Variants in CKAP5 observed in about 807,000 individuals in gnomAD.
CKAP5 encodes cytoskeleton-associated protein 5.
Under a neutral mutation model 232.8 loss-of-function variants are expected in CKAP5, and 27 were observed. The observed-to-expected ratio is 0.12, with a 90% CI of 0.09 to 0.16. The LOEUF is 0.16. CKAP5 is among the 10% of genes least tolerant of loss of function. CKAP5 has a pLI of 1.00. For missense variants in CKAP5, 1,838 were observed against 2,424.7 expected (o/e 0.76, Z 5.08); for synonymous variants, 785 against 841.1 (o/e 0.93, Z 1.16).
intron 9 of CKAP5, among the ~76,000 whole-genome samples, chr11:46,800,539 T>C (rs1402164490): frequency 6.6e-6 from 1 of 152,150 alleles, no homozygotes; most frequent in Non-Finnish European, 1.5e-5. Context: ...GCAGACCGGA[T>C]TTAGAGGCCA....
Position 46,802,850 on chromosome 11 carries a change from G to A in CKAP5, c.979-1546C>T, listed in dbSNP as rs142589679. Reference sequence around the variant, plus strand: ...TTAAGTGCTGAGGAATAAGGATAAAGAAACTAACATTTATTGAAAAAACAA... The same window carrying A: ...TTAAGTGCTGAGGAATAAGGATAAAAAAACTAACATTTATTGAAAAAACAA... On this transcript the variant is annotated intron_variant, in intron 8 of 43. Coordinates refer to ENST00000529230, the MANE Select transcript of CKAP5 (RefSeq NM_001008938.4). Among the ~76,000 whole-genome samples the A allele has an allele frequency of 2.8e-3, 421 of 152,272 alleles. 2 individuals are homozygous for A. Among genetic ancestry groups the A allele is most frequent in the African/African-American group, 9.6e-3 (399 of 41,546 alleles).
intron 17 of CKAP5, 48 bp downstream of exon 17, chr11:46,784,440 G>T: frequency 2.1e-6 from 3 of 1,457,426 alleles, no homozygotes; most frequent in East Asian, 2.3e-5. Flanking sequence ...TAAAGTTTGG[G>T]GGAAAAAATT....
intron 1 of CKAP5, among the ~76,000 whole-genome samples, chr11:46,823,244 A>G (rs1219037770): frequency 6.6e-6 from 1 of 152,144 alleles, no homozygotes; most frequent in African/African-American, 2.4e-5. Flanking sequence ...ACCCACCCCT[A>G]TGCTATCTAT....
At chr11:46,752,193 T>TATATATATACACAC (rs1408030107) in intron 38 of CKAP5, among the ~76,000 whole-genome samples, 4 of 66,548 alleles carry the variant, frequency 6.0e-5, no homozygotes, top group African/African-American at 2.0e-4. Context: ...TATATATATA[T>TATATATATACACAC]ACACACACAC....
At chr11:46,771,065 G>T in intron 24 of CKAP5, 83 bp from the exon 25 acceptor site, 2 of 1,202,986 alleles carry the variant, frequency 1.7e-6, no homozygotes, top group Non-Finnish European at 2.3e-6. Context: ...GATTTCATTA[G>T]TCTCAAGCAC....
Position 46,753,471 on chromosome 11 carries a change from C to T in CKAP5, c.4896G>A (p.Arg1632=), listed in dbSNP as rs1269256318. The T allele has an allele frequency of 1.2e-6, 2 of 1,612,150 alleles. No homozygotes were observed. Among genetic ancestry groups the T allele is most frequent in the South Asian group, 2.2e-5 (2 of 90,950 alleles). The change falls in exon 37 of 44, where the codon CGG becomes CGA. Residue 1632 remains arginine, a synonymous_variant. Transcript: ENST00000529230. ...ISLFQIESLA[R]EASTGVLKDL... ...CTTTTAGTACTCCAGTGGAGGCCTC[C>T]CGGGCAAGGCTCTCTATCTGAAACA...
chr11:46,744,158 T>A lies in CKAP5; in HGVS notation c.5964A>T (p.Ser1988=). The A allele has an allele frequency of 6.2e-7, 1 of 1,614,134 alleles. No homozygotes were observed. The highest frequency in any genetic ancestry group is 8.5e-7 in the Non-Finnish European group (1 of 1,180,036). ...GGTCTGAATGCTGGTGCTGCTCCCG[T>A]GACTCCCGGAGCTGAGAGAGTTTGC... ...LHSKLSQLRE[S]REQHQHSDLD... is the part of the protein sequence containing the mutation. The change falls in exon 44 of 44, where the codon TCA becomes TCT. Residue 1988 remains serine, a synonymous_variant. Coordinates refer to ENST00000529230, the MANE Select transcript of CKAP5 (RefSeq NM_001008938.4).
Position 46,751,133 on chromosome 11 carries a change from C to G in CKAP5, c.5445G>C (p.Lys1815Asn). 2 of 1,614,142 alleles carry G rather than the reference C, an allele frequency of 1.2e-6. No homozygotes were observed. Among genetic ancestry groups the G allele is most frequent in the Non-Finnish European group, 1.7e-6 (2 of 1,180,018 alleles). Residue 1815 changes from lysine to asparagine, a missense_variant, in exon 40 of 44, where the codon AAG becomes AAC. Transcript: ENST00000529230. ...GGCCACTCACTATTCGAGATGCTCC[C>G]TTTTCTGTTTCCTTATCAGACTTGC... ...TGSKSDKETE[K>N]GASRIDEKSS...
intron 1 of CKAP5, among the ~76,000 whole-genome samples, chr11:46,831,593 A>G (rs1055270582): frequency 6.6e-6 from 1 of 152,146 alleles, no homozygotes; most frequent in Non-Finnish European, 1.5e-5. Flanking sequence ...TGGTGGTGCA[A>G]TAACTGCTCA....
chr11:46,829,099 A>G lies in CKAP5; in HGVS notation c.-37-7831T>C, dbSNP rs1939718333. 2.6e-5 allele frequency among the ~76,000 whole-genome samples: 4 copies of G among 152,218 alleles called. No individual in the cohort carries two copies. In the South Asian group the frequency reaches 8.3e-4, roughly 31 times the overall value. Reference sequence around the variant, plus strand: ...AAATATTTAAAGTAAACAAAAGATGATATGGAAGACAGAAGTAAATATATA... The same window carrying G: ...AAATATTTAAAGTAAACAAAAGATGGTATGGAAGACAGAAGTAAATATATA... On this transcript the variant is annotated intron_variant, in intron 1 of 43. Coordinates refer to ENST00000529230, the MANE Select transcript of CKAP5 (RefSeq NM_001008938.4).
chr11:46,831,623 G>C (rs1429870307), intron 1 of CKAP5, among the ~76,000 whole-genome samples: 1 of 152,022 alleles, frequency 6.6e-6, no homozygotes, highest in Non-Finnish European at 1.5e-5. Flanking sequence ...CATCCTCCCA[G>C]CCTCATGTGA....
chr11:46,785,922 G>A (rs890539147), intron 16 of CKAP5, among the ~76,000 whole-genome samples: 19 of 152,072 alleles, frequency 1.2e-4, no homozygotes, highest in Non-Finnish European at 2.4e-4. Flanking sequence ...TATCTAGCCT[G>A]GGCAAGAGAG....
At chr11:46,797,079 A>G in intron 11 of CKAP5, 139 bp from the exon 12 acceptor site, 1 of 933,154 alleles carries the variant, frequency 1.1e-6, no homozygotes, top group Non-Finnish European at 1.6e-6. Flanking sequence ...TCCTTGTGCC[A>G]ATTGACAGTT....
Position 46,833,329 on chromosome 11 carries a change from A to G in CKAP5, c.-37-12061T>C, listed in dbSNP as rs151312442. ...AAAGAACAAAAATATGACCCATGTG[A>G]CCAAATAAGAGAAAGGCTGATTGGA... On this transcript the variant is annotated intron_variant, in intron 1 of 43. Transcript: ENST00000529230. Among the ~76,000 whole-genome samples, 422 of 152,300 alleles carry G rather than the reference A, an allele frequency of 2.8e-3. 2 individuals carry two copies. The highest frequency in any genetic ancestry group is 9.6e-3 in the African/African-American group (400 of 41,572).
chr11:46,834,512 T>A (rs1296013337), intron 1 of CKAP5, among the ~76,000 whole-genome samples: 1 of 73,342 alleles, frequency 1.4e-5, no homozygotes. Context: ...AGAGCAAAAC[T>A]CCATCTCAAA....
chr11:46,752,199 C>T (rs980641398), intron 38 of CKAP5, among the ~76,000 whole-genome samples: 946 of 72,878 alleles, frequency 0.013, 9 homozygotes, highest in African/African-American at 0.031. Context: ...TATATACACA[C>T]ACACACACAC....
chr11:46,774,107 G>A (rs2065271832), intron 24 of CKAP5, among the ~76,000 whole-genome samples: 1 of 152,160 alleles, frequency 6.6e-6, no homozygotes, highest in Admixed American at 6.5e-5. Context: ...GAACATGATT[G>A]CATATTTACA....
rs1421524486 is a variant in CKAP5, at chr11:46,743,341, C to CTGTT, written c.*678_*681dup. 2.6e-5 allele frequency: 4 copies of CTGTT among 152,262 alleles called. No homozygotes were observed. The highest frequency in any genetic ancestry group is 4.8e-5 in the African/African-American group (2 of 41,548). 9.4% of individuals were successfully genotyped at this position (152,262 alleles called of 1,614,324 possible). ...ATGAGATTTTTCTGCTCCCTAGGAG[C>CTGTT]TGTTTGTGGAGAGCAGGGAAGGAGA... is the stretch of plus-strand genomic sequence containing the variant. On this transcript the variant is annotated 3_prime_UTR_variant, in exon 44 of 44. Transcript: ENST00000529230.
At chr11:46,777,672 A>C (rs1373698735) in intron 22 of CKAP5, 120 bp from the exon 23 acceptor site, 2 of 630,310 alleles carry the variant, frequency 3.2e-6, no homozygotes, top group Non-Finnish European at 5.6e-6. Flanking sequence ...CAAGAGACAG[A>C]GACACTGGCT....
Sources: allele counts gnomAD v4.1 joint callset (sites outside exome capture counted in the v4.1 genomes callset), GRCh38; gene constraint gnomAD v4.1.1; transcripts MANE v1.5; gene names NCBI Gene and HGNC (gene_info 2026-07-23, HGNC 2026-07-21).